GFOD1: variants seen among roughly 807,000 people sequenced by gnomAD.
The protein encoded by GFOD1 is Gfo/Idh/MocA-like oxidoreductase domain containing 1.
GFOD1 carries 9 observed loss-of-function variants against 25.4 expected under a neutral mutation model. The observed-to-expected ratio is 0.35, with a 90% CI of 0.21 to 0.62. The LOEUF (loss-of-function observed/expected upper bound fraction) is 0.62. Ranked by LOEUF, GFOD1 falls within the 20% of genes least tolerant of loss-of-function variation. GFOD1 has a pLI of 0.72. For synonymous variants in GFOD1, 253 were observed against 245.6 expected (o/e 1.03, Z -0.28); for missense variants, 403 against 556.9 (o/e 0.72, Z 2.78).
chr6:13,449,600 C>T (rs924255079), intron 1 of GFOD1, among the ~76,000 whole-genome samples: 3 of 152,080 alleles, frequency 2.0e-5, no homozygotes, highest in Non-Finnish European at 2.9e-5. Flanking sequence ...TGGGAAGGAC[C>T]CAGTGGGAGA....
intron 1 of GFOD1, chr6:13,486,152 C>G (rs1454688928): frequency 1.0e-6 from 1 of 988,626 alleles, no homozygotes; most frequent in African/African-American, 1.7e-5. Flanking sequence ...CCCAAGAAAA[C>G]CCGACACACG....
At chr6:13,443,285 T>C (rs924796500) in intron 1 of GFOD1, among the ~76,000 whole-genome samples, 1 of 152,238 alleles carries the variant, frequency 6.6e-6, no homozygotes, top group African/African-American at 2.4e-5. Flanking sequence ...TTTCTTGAGA[T>C]AGAACCTACT....
Position 13,409,166 on chromosome 6 carries a change from G to A in GFOD1, c.254-43504C>T, listed in dbSNP as rs1423865866. On this transcript the variant is annotated intron_variant, in intron 1 of 1. Transcript: ENST00000379287. Reference sequence around the variant, plus strand: ...GAAAGAAAGAGAGGAAAGAAAGAAAGGAAAGAGAGAGAGAGAGAGAAAGAA... The same window carrying A: ...GAAAGAAAGAGAGGAAAGAAAGAAAAGAAAGAGAGAGAGAGAGAGAAAGAA... Among the ~76,000 whole-genome samples, 7 of 8,518 alleles carry A rather than the reference G, an allele frequency of 8.2e-4. 1 individual carries two copies. The highest frequency in any genetic ancestry group is 1.2e-3 in the African/African-American group (6 of 4,916). 5.6% of individuals were successfully genotyped at this position (8,518 alleles called of 152,430 possible).
rs565814893 is a variant in GFOD1 at position 13,384,888 on chromosome 6, C to T, written c.254-19226G>A. 1.6e-4 allele frequency among the ~76,000 whole-genome samples: 25 copies of T among 152,320 alleles called. No homozygotes were observed. In the South Asian group the frequency reaches 3.3e-3, roughly 20 times the overall value. On this transcript the variant is annotated intron_variant, in intron 1 of 1. Transcript: ENST00000379287. ...CCTCTGGATTTAGCAGACTTCCTTG[C>T]CCATGAGGTTGGGGCTCCGTTTTAT... is the stretch of plus-strand genomic sequence containing the variant.
In GFOD1 at chr6:13,361,720, T is replaced by C. The variant is rs1784949671; in HGVS notation, c.*3023A>G. On this transcript the variant is annotated 3_prime_UTR_variant, in exon 2 of 2. Transcript: ENST00000379287. Reference sequence around the variant, plus strand: ...GTTTATATTTAAAGAAAATGAACTATCCAGTTCTTTTCTTTCTCTTGTTCC... The same window carrying C: ...GTTTATATTTAAAGAAAATGAACTACCCAGTTCTTTTCTTTCTCTTGTTCC... 1 of 152,218 alleles carries C rather than the reference T, an allele frequency of 6.6e-6. No individual in the cohort carries two copies. Among genetic ancestry groups the C allele is most frequent in the Non-Finnish European group, 1.5e-5 (1 of 68,044 alleles). The allele number at this position is 152,218 out of a possible 1,614,324, so 9.4% of individuals were successfully genotyped here.
chr6:13,371,946 C>T (rs189803779), intron 1 of GFOD1, among the ~76,000 whole-genome samples: 228 of 152,264 alleles, frequency 1.5e-3, no homozygotes, highest in Non-Finnish European at 2.7e-3. Context: ...AGAAAGCACA[C>T]GAGGACTGGC....
chr6:13,460,642 A>G (rs1333506842), intron 1 of GFOD1, among the ~76,000 whole-genome samples: 1 of 151,918 alleles, frequency 6.6e-6, no homozygotes, highest in African/African-American at 2.4e-5. Flanking sequence ...AGGGAGGGGA[A>G]CAACACACAC....
chr6:13,426,200 C>A (rs888713914), intron 1 of GFOD1, among the ~76,000 whole-genome samples: 1 of 152,236 alleles, frequency 6.6e-6, no homozygotes, highest in East Asian at 1.9e-4. Flanking sequence ...TCTCCCTTCT[C>A]CCCTGGCTTG....
At chr6:13,462,328 T>C (rs1758306923) in intron 1 of GFOD1, among the ~76,000 whole-genome samples, 2 of 152,186 alleles carry the variant, frequency 1.3e-5, no homozygotes, top group Admixed American at 6.5e-5. Flanking sequence ...ATATTTTTGT[T>C]CCCAATTTGT....
intron 1 of GFOD1, among the ~76,000 whole-genome samples, chr6:13,409,341 GAGAGAGAA>G (rs1268167066): frequency 2.2e-5 from 3 of 135,110 alleles, no homozygotes; most frequent in African/African-American, 5.5e-5. Context: ...GAGAAAGAGA[GAGAGAGAA>G]AGAGAGAAAG....
chr6:13,380,245 G>A (rs1003416924), intron 1 of GFOD1, among the ~76,000 whole-genome samples: 2 of 152,368 alleles, frequency 1.3e-5, no homozygotes, highest in South Asian at 4.1e-4. Flanking sequence ...CTGTGAAACA[G>A]AGCTGATATC....
rs1785021245 is a variant in GFOD1 at position 13,365,333 on chromosome 6, C to T, written c.583G>A (p.Val195Ile). The T allele has an allele frequency of 6.2e-7, 1 of 1,614,220 alleles. No individual in the cohort carries two copies. Among genetic ancestry groups the T allele is most frequent in the Non-Finnish European group, 8.5e-7 (1 of 1,180,042 alleles). The change falls in exon 2 of 2, where the codon GTC becomes ATC. Residue 195 changes from valine (V) to isoleucine (I), a missense_variant. Val to Ile is a conservative substitution (Grantham distance 29, BLOSUM62 3). Coordinates refer to ENST00000379287, the MANE Select transcript of GFOD1 (RefSeq NM_018988.4). This position sits in a 1 kb window ranked among gnomAD's most constrained non-coding sequence, Gnocchi z 9.2. Reference sequence around the variant, plus strand: ...ACGAAGGTCTTGAGCAGCCCGTGGACCTTGACGGCCTTTTGGCCGGTGAGG... The same window carrying T: ...ACGAAGGTCTTGAGCAGCCCGTGGATCTTGACGGCCTTTTGGCCGGTGAGG... ...TFLTGQKAVK[V>I]HGLLKTFVKQ...
At chr6:13,469,398 A>G (rs527703116) in intron 1 of GFOD1, 10 of 985,250 alleles carry the variant, frequency 1.0e-5, no homozygotes, top group Non-Finnish European at 9.6e-6. Flanking sequence ...GGATACATGC[A>G]GTCCCCAGGC....
chr6:13,389,491 T>C (rs1407058681), intron 1 of GFOD1, among the ~76,000 whole-genome samples: 1 of 152,084 alleles, frequency 6.6e-6, no homozygotes, highest in East Asian at 1.9e-4. Context: ...GAAACCATCA[T>C]TCTCAGCAAA....
intron 1 of GFOD1, among the ~76,000 whole-genome samples, chr6:13,375,932 T>A (rs1785246665): frequency 6.6e-6 from 1 of 152,216 alleles, no homozygotes; most frequent in African/African-American, 2.4e-5. Context: ...CTACAGCTTA[T>A]ATTTGAGGCT....
chr6:13,365,574 G>T lies in GFOD1; in HGVS notation c.342C>A (p.Leu114=), dbSNP rs749476814. ...MTSAAHYYPK[L]MSIMGNVLRF... is the part of the protein sequence containing the mutation. Reference sequence around the variant, plus strand: ...GCAGCACGTTGCCCATGATGCTCATGAGCTTGGGGTAGTAGTGGGCGGCCG... The same window carrying T: ...GCAGCACGTTGCCCATGATGCTCATTAGCTTGGGGTAGTAGTGGGCGGCCG... Residue 114 remains leucine, a synonymous_variant, in exon 2 of 2, where the codon CTC becomes CTA. Coordinates refer to ENST00000379287, the MANE Select transcript of GFOD1 (RefSeq NM_018988.4). The surrounding 1 kb of genome is among the most constrained non-coding windows in gnomAD (Gnocchi z 9.2). 4 of 1,609,882 alleles carry T rather than the reference G, an allele frequency of 2.5e-6. No individual in the cohort carries two copies. Among genetic ancestry groups the T allele is most frequent in the Non-Finnish European group, 3.4e-6 (4 of 1,179,954 alleles).
Position 13,361,708 on chromosome 6 carries a change from G to T in GFOD1, c.*3035C>A, listed in dbSNP as rs1784949607. ...CCATTTGCTACAGTTTATATTTAAAGAAAATGAACTATCCAGTTCTTTTCT... is the reference window on the plus strand; with the variant it reads ...CCATTTGCTACAGTTTATATTTAAATAAAATGAACTATCCAGTTCTTTTCT... On this transcript the variant is annotated 3_prime_UTR_variant, in exon 2 of 2. Coordinates refer to ENST00000379287, the MANE Select transcript of GFOD1 (RefSeq NM_018988.4). 1 of 152,146 alleles carries T rather than the reference G, an allele frequency of 6.6e-6. No homozygotes were observed. The highest frequency in any genetic ancestry group is 6.5e-5 in the Admixed American group (1 of 15,270). The allele number at this position is 152,146 out of a possible 1,614,324, so 9.4% of individuals were successfully genotyped here. A position where few individuals can be genotyped will look rare whatever the true frequency, so the allele number is the denominator to read the frequency against.
chr6:13,428,683 G>A (rs1370403125), intron 1 of GFOD1, among the ~76,000 whole-genome samples: 1 of 97,448 alleles, frequency 1.0e-5, no homozygotes, highest in East Asian at 3.2e-4. Flanking sequence ...CCTTCCCTGA[G>A]GGAGTCCAGG....
At chr6:13,428,138 G>A (rs969079798) in intron 1 of GFOD1, among the ~76,000 whole-genome samples, 2 of 152,124 alleles carry the variant, frequency 1.3e-5, no homozygotes, top group East Asian at 3.8e-4. Context: ...GAAACAGATC[G>A]TCTTTTCTAT....
Sources: gnomAD v4.1 joint callset for allele counts (sites outside exome capture counted in the v4.1 genomes callset) on GRCh38, gnomAD v4.1.1 for gene constraint, Gnocchi (gnomAD v3.1) non-coding constraint, MANE v1.5 for transcripts, NCBI Gene and HGNC (gene_info 2026-07-23, HGNC 2026-07-21) for gene names.